The following MMP26 variants were observed in gnomAD, a reference collection of about 807,000 sequenced individuals.
The protein encoded by MMP26 is matrix metalloproteinase-26.
MMP26 carries 33 observed loss-of-function variants against 31.0 expected under a neutral mutation model. That is an observed-to-expected ratio of 1.06 (90% CI 0.81 to 1.42). MMP26 has a LOEUF of 1.42. Ranked by LOEUF, MMP26 falls within the 40% of genes most tolerant of loss-of-function variation. The pLI, the probability that MMP26 is intolerant of heterozygous loss-of-function variation, is 0.00. For synonymous variants in MMP26, 122 were observed against 114.9 expected (o/e 1.06, Z -0.40); for missense variants, 347 against 316.1 (o/e 1.10, Z -0.74).
chr11:4,826,842 C>T (rs993885578), intron 2 of MMP26, among the ~76,000 whole-genome samples: 1 of 152,086 alleles, frequency 6.6e-6, no homozygotes, highest in South Asian at 2.1e-4. Context: ...CCTACAGGGC[C>T]ACCTCTGAAG....
At chr11:4,720,132 G>T (rs1847990930) in intron 1 of MMP26, among the ~76,000 whole-genome samples, 1 of 152,074 alleles carries the variant, frequency 6.6e-6, no homozygotes, top group Admixed American at 6.6e-5. Flanking sequence ...TTATTGCATT[G>T]TCAGTAACCG....
At chr11:4,848,306 G>C (rs747591825) in intron 2 of MMP26, 1 of 1,613,822 alleles carries the variant, frequency 6.2e-7, no homozygotes, top group Non-Finnish European at 8.5e-7. Flanking sequence ...CCTTCATCTT[G>C]ACACTATAGA....
intron 2 of MMP26, among the ~76,000 whole-genome samples, chr11:4,863,438 T>C (rs1010376516): frequency 3.9e-5 from 6 of 152,124 alleles, no homozygotes; most frequent in South Asian, 2.1e-4. Context: ...CATTTTACTT[T>C]CTCTTTCCAT....
At chr11:4,745,505 T>A (rs1848368004) in intron 1 of MMP26, among the ~76,000 whole-genome samples, 1 of 152,214 alleles carries the variant, frequency 6.6e-6, no homozygotes, top group Non-Finnish European at 1.5e-5. Context: ...AATTCCCATA[T>A]ATGCCTCCCA....
At chr11:4,962,829 G>T (rs983479514) in intron 2 of MMP26, among the ~76,000 whole-genome samples, 4 of 152,150 alleles carry the variant, frequency 2.6e-5, no homozygotes, top group Non-Finnish European at 5.9e-5. Flanking sequence ...TGAACTTCTG[G>T]GTTGAGCTGG....
intron 1 of MMP26, among the ~76,000 whole-genome samples, chr11:4,738,131 A>G (rs1848266346): frequency 6.6e-6 from 1 of 152,190 alleles, no homozygotes; most frequent in Non-Finnish European, 1.5e-5. Flanking sequence ...GATGGCCCAC[A>G]GGAAAAAAAT....
At chr11:4,722,525 GA>G (rs373387254) in intron 1 of MMP26, among the ~76,000 whole-genome samples, 4,385 of 100,176 alleles carry the variant, frequency 0.044, 241 homozygotes, top group African/African-American at 0.14. Flanking sequence ...TTTAGGACAG[GA>G]AAAAAAAAAA....
intron 2 of MMP26, chr11:4,804,038 A>C (rs1849226582): frequency 1.9e-6 from 3 of 1,613,750 alleles, no homozygotes; most frequent in South Asian, 1.1e-5. Flanking sequence ...AGCACCCCAG[A>C]CTCCACAGAA....
intron 1 of MMP26, among the ~76,000 whole-genome samples, chr11:4,747,840 C>T (rs562700855): frequency 6.6e-4 from 100 of 151,952 alleles, no homozygotes; most frequent in African/African-American, 2.3e-3. Context: ...ATGCCTGCAT[C>T]AAAAGAATAG....
intron 2 of MMP26, among the ~76,000 whole-genome samples, chr11:4,960,574 A>G (rs890150368): frequency 1.4e-5 from 2 of 147,834 alleles, no homozygotes; most frequent in South Asian, 2.1e-4. Flanking sequence ...TTTCCATACT[A>G]TTGCTTCAGA....
At chr11:4,743,088 A>C (rs545405112) in intron 1 of MMP26, among the ~76,000 whole-genome samples, 1 of 152,158 alleles carries the variant, frequency 6.6e-6, no homozygotes, top group Non-Finnish European at 1.5e-5. Flanking sequence ...AATTTTTATT[A>C]ATAATTTTAA....
chr11:4,740,672 A>G (rs1848300251), intron 1 of MMP26, among the ~76,000 whole-genome samples: 1 of 146,068 alleles, frequency 6.8e-6, no homozygotes, highest in Non-Finnish European at 1.5e-5. Context: ...AACAAGAGTG[A>G]GACTCTGTCA....
At chr11:4,956,742 C>A (rs956858851) in intron 2 of MMP26, among the ~76,000 whole-genome samples, 1 of 152,184 alleles carries the variant, frequency 6.6e-6, no homozygotes, top group Non-Finnish European at 1.5e-5. Context: ...ACCAACTTGT[C>A]CAACTTAGAC....
intron 2 of MMP26, chr11:4,804,197 T>C: frequency 6.2e-7 from 1 of 1,613,986 alleles, no homozygotes; most frequent in East Asian, 2.2e-5. Context: ...AAGAGGTACA[T>C]GGGCTCATGC....
At chr11:4,960,044 A>G (rs12805938) in intron 2 of MMP26, among the ~76,000 whole-genome samples, 47,986 of 106,136 alleles carry the variant, frequency 0.45, 8,156 homozygotes, top group South Asian at 0.64. Flanking sequence ...CCGCCCCCCC[A>G]CCCAGGAGAA....
chr11:4,807,558 G>A (rs1319597674), intron 2 of MMP26, among the ~76,000 whole-genome samples: 1 of 135,404 alleles, frequency 7.4e-6, no homozygotes, highest in Non-Finnish European at 1.6e-5. Flanking sequence ...ATAGGTGGGA[G>A]TTGAACAACG....
chr11:4,982,539 A>C (rs1302329226), intron 2 of MMP26, among the ~76,000 whole-genome samples: 1 of 152,134 alleles, frequency 6.6e-6, no homozygotes, highest in Admixed American at 6.5e-5. Context: ...CCTGAGTCTT[A>C]ATTCCCTAAT....
At chr11:4,915,730 G>T in intron 2 of MMP26, 2 of 1,047,150 alleles carry the variant, frequency 1.9e-6, no homozygotes, top group Non-Finnish European at 2.8e-6. Context: ...GGCAGTACTG[G>T]TGATTGCACC....
rs79523400 is a variant in MMP26, at chr11:4,825,276, A to T, written c.-145+57935A>T. Among the ~76,000 whole-genome samples the T allele has an allele frequency of 4.5e-3, 683 of 152,272 alleles. 9 individuals are homozygous for T. The highest frequency in any genetic ancestry group is 6.3e-3 in the Non-Finnish European group (430 of 67,998). Reference sequence around the variant, plus strand: ...AAATGTCAACATTCCAGGAATGAGGATCTCATCATTTTCCCATTACTGTAT... The same window carrying T: ...AAATGTCAACATTCCAGGAATGAGGTTCTCATCATTTTCCCATTACTGTAT... On this transcript the variant is annotated intron_variant, in intron 2 of 7. Coordinates refer to ENST00000380390, the MANE Select transcript of MMP26 (RefSeq NM_021801.5).
Sources: gnomAD v4.1 joint callset for allele counts (sites outside exome capture counted in the v4.1 genomes callset) on GRCh38, gnomAD v4.1.1 for gene constraint, MANE v1.5 for transcripts, NCBI Gene and HGNC (gene_info 2026-07-23, HGNC 2026-07-21) for gene names.